The following UTRN variants were observed in gnomAD, a reference collection of about 807,000 sequenced individuals.
The protein encoded by UTRN is utrophin.
UTRN carries 283 observed loss-of-function variants against 463.9 expected under a neutral mutation model. The ratio of observed to expected loss-of-function variants is 0.61; its 90% confidence interval spans 0.55 to 0.67. The LOEUF (loss-of-function observed/expected upper bound fraction) is 0.67, where lower values mean the gene tolerates loss of function less well. Among genes scored for constraint, UTRN ranks in the 30% least tolerant of loss-of-function variants. UTRN has a pLI of 0.00. For synonymous variants in UTRN, 1,442 were observed against 1,431.5 expected, an observed-to-expected ratio of 1.01 and a Z score of -0.17; for missense variants, 3,922 against 4,084.3, an observed-to-expected ratio of 0.96 and a Z score of 1.08.
chr6:144,473,481 A>G (rs1790875385), intron 23 of UTRN, among the ~76,000 whole-genome samples: 1 of 152,224 alleles, frequency 6.6e-6, no homozygotes. Context: ...AAGCAAAAAG[A>G]GCTAGCGTTT....
At chr6:144,711,315 C>T (rs541216641) in intron 53 of UTRN, among the ~76,000 whole-genome samples, 51 of 149,624 alleles carry the variant, frequency 3.4e-4, no homozygotes, top group African/African-American at 1.2e-3. Flanking sequence ...ACTCCCGTCT[C>T]AAAACAAACA....
intron 3 of UTRN, among the ~76,000 whole-genome samples, chr6:144,408,041 G>A (rs1024987382): frequency 2.0e-5 from 3 of 152,106 alleles, no homozygotes; most frequent in African/African-American, 4.8e-5. Context: ...GCCATAAGAC[G>A]CAATCGATCA....
chr6:144,441,064 A>G (rs923841143), intron 13 of UTRN, among the ~76,000 whole-genome samples: 1 of 152,160 alleles, frequency 6.6e-6, no homozygotes, highest in Admixed American at 6.5e-5. Context: ...GGGAGTTACA[A>G]TTCAAGATGA....
At chr6:144,458,644 G>A in intron 19 of UTRN, 126 bp from the exon 20 acceptor site, 3 of 1,133,256 alleles carry the variant, frequency 2.6e-6, no homozygotes, top group Non-Finnish European at 2.4e-6. Context: ...GTATTAAAAG[G>A]GACTTAAGAA....
intron 53 of UTRN, among the ~76,000 whole-genome samples, chr6:144,716,337 G>A (rs944666750): frequency 2.6e-5 from 4 of 151,668 alleles, no homozygotes; most frequent in Non-Finnish European, 5.9e-5. Context: ...AATGCTAGTT[G>A]AGTTGAGATT....
Position 144,461,001 on chromosome 6 carries a change from C to T in UTRN, c.2708-196C>T, listed in dbSNP as rs62427172. Among the ~76,000 whole-genome samples the T allele has an allele frequency of 2.5e-3, 376 of 152,178 alleles. 1 individual carries two copies. The highest frequency in any genetic ancestry group is 3.8e-3 in the Non-Finnish European group (260 of 68,008). On this transcript the variant is annotated intron_variant, in intron 21 of 74. Coordinates refer to ENST00000367545, the MANE Select transcript of UTRN (RefSeq NM_007124.3). ...AGTTAATATTTCAAACGTCAACATC[C>T]GCAGGAATGAAGTCACTGTCTGACT...
At chr6:144,835,708 CT>C in intron 69 of UTRN, 71 bp from the exon 70 acceptor site, 1 of 1,584,120 alleles carries the variant, frequency 6.3e-7, no homozygotes, top group Admixed American at 1.7e-5. Context: ...ATCATTATTT[CT>C]ACTTCCTTTA....
rs1792204898 is a variant in UTRN at position 144,757,978 on chromosome 6, C to G, written c.8484C>G (p.Pro2828=). The G allele has an allele frequency of 6.2e-7, 1 of 1,609,866 alleles. No individual in the cohort carries two copies. Among genetic ancestry groups the G allele is most frequent in the East Asian group, 2.2e-5 (1 of 44,714 alleles). The part of the protein sequence containing the change: ...WQRSISHNKV[P]YYINHQTQTT... ...GATCCATTTCACATAATAAAGTGCC[C>G]TATTACATCAAGTAAGTTGATTTTA... Residue 2828 remains proline (P), a synonymous_variant, in exon 58 of 75, where the codon CCC becomes CCG. Transcript: ENST00000367545.
In UTRN at chr6:144,286,327, T is replaced by C. The variant is rs903529341; in HGVS notation, c.-93+506T>C. Among the ~76,000 whole-genome samples the C allele has an allele frequency of 2.6e-5, 4 of 151,506 alleles. No individual in the cohort carries two copies. The highest frequency in any genetic ancestry group is 2.0e-4 in the Admixed American group (3 of 15,224). Reference sequence around the variant, plus strand: ...AGAGGGTGGGCAGAGGGTGGCTGTGTGGTCGGCGGCCAGCGGAGCGCTTCC... The same window carrying C: ...AGAGGGTGGGCAGAGGGTGGCTGTGCGGTCGGCGGCCAGCGGAGCGCTTCC... On this transcript the variant is annotated intron_variant, in intron 1 of 74. Coordinates refer to ENST00000367545, the MANE Select transcript of UTRN (RefSeq NM_007124.3). The surrounding 1 kb of genome is among the most constrained non-coding windows in gnomAD (Gnocchi z 4.4).
chr6:144,764,298 G>C (rs1349426196), intron 58 of UTRN, among the ~76,000 whole-genome samples: 5 of 152,098 alleles, frequency 3.3e-5, no homozygotes, highest in Non-Finnish European at 5.9e-5. Context: ...ACCGTCACTG[G>C]GAAGAAATCT....
intron 28 of UTRN, among the ~76,000 whole-genome samples, chr6:144,487,267 G>A (rs1460694900): frequency 1.3e-5 from 2 of 152,156 alleles, no homozygotes; most frequent in Non-Finnish European, 2.9e-5. Context: ...TTGGGCTCAA[G>A]TGATCCTCCT....
chr6:144,485,189 GCTGGGATTACAGGCGTGAGC>G (rs1260352473), intron 27 of UTRN, among the ~76,000 whole-genome samples, 176 bp from the exon 28 acceptor site: 2 of 152,134 alleles, frequency 1.3e-5, no homozygotes, highest in African/African-American at 4.8e-5. Context: ...CTCCCAAAGT[GCTGGGATTACAGGCGTGAGC>G]CACCACGCCT....
At chr6:144,615,974 C>A (rs997094361) in intron 51 of UTRN, among the ~76,000 whole-genome samples, 1 of 152,124 alleles carries the variant, frequency 6.6e-6, no homozygotes, top group African/African-American at 2.4e-5. Flanking sequence ...TCACTCCTGT[C>A]CCCTGGCCCA....
intron 2 of UTRN, among the ~76,000 whole-genome samples, chr6:144,331,335 G>C (rs1243896407): frequency 6.6e-6 from 1 of 152,152 alleles, no homozygotes; most frequent in Non-Finnish European, 1.5e-5. Context: ...GCCTGGCACA[G>C]AACTTGGCAC....
chr6:144,600,081 AAT>A (rs774875777), intron 51 of UTRN, among the ~76,000 whole-genome samples: 2 of 152,214 alleles, frequency 1.3e-5, no homozygotes, highest in Non-Finnish European at 2.9e-5. Flanking sequence ...TGCTGAACTT[AAT>A]CGATAAATGT....
intron 53 of UTRN, among the ~76,000 whole-genome samples, chr6:144,721,955 A>G (rs192033985): frequency 8.1e-4 from 124 of 152,300 alleles, no homozygotes; most frequent in Non-Finnish European, 1.4e-3. Context: ...TGGGATTTTC[A>G]GATTAGGGAT....
intron 2 of UTRN, among the ~76,000 whole-genome samples, chr6:144,340,342 A>T (rs1489487726): frequency 6.6e-6 from 1 of 152,212 alleles, no homozygotes; most frequent in East Asian, 1.9e-4. Flanking sequence ...CAGTTATAAT[A>T]TGATGTTCAA....
chr6:144,594,082 A>G (rs999697005), intron 51 of UTRN, among the ~76,000 whole-genome samples: 4 of 152,218 alleles, frequency 2.6e-5, no homozygotes, highest in African/African-American at 9.6e-5. Context: ...TGAGGGAATT[A>G]CACAATATTT....
chr6:144,399,078 G>T (rs144684956), intron 2 of UTRN, among the ~76,000 whole-genome samples: 2,652 of 152,224 alleles, frequency 0.017, 46 homozygotes, highest in South Asian at 0.088. Flanking sequence ...GTCCTCTGAG[G>T]ATGTCGGATT....
Sources: allele counts gnomAD v4.1 joint callset (sites outside exome capture counted in the v4.1 genomes callset), GRCh38; gene constraint gnomAD v4.1.1; non-coding constraint Gnocchi (gnomAD v3.1); transcripts MANE v1.5; gene names NCBI Gene and HGNC (gene_info 2026-07-23, HGNC 2026-07-21).